The following SULF1 variants were observed in gnomAD, a reference collection of about 807,000 sequenced individuals.
The protein encoded by SULF1 is sulfatase 1.
SULF1 carries 46 observed loss-of-function variants against 110.5 expected under a neutral mutation model. The ratio of observed to expected loss-of-function variants is 0.42; its 90% CI spans 0.33 to 0.53. The LOEUF (loss-of-function observed/expected upper bound fraction) is 0.53. SULF1 is among the 20% of genes least tolerant of loss of function. SULF1 has a pLI of 0.12. For missense variants in SULF1, 941 were observed against 1,094.2 expected (o/e 0.86, Z 1.98); for synonymous variants, 371 against 387.1 (o/e 0.96, Z 0.49).
At chr8:69,525,730 A>G (rs774797915) in intron 3 of SULF1, among the ~76,000 whole-genome samples, 4 of 152,226 alleles carry the variant, frequency 2.6e-5, no homozygotes, top group Non-Finnish European at 5.9e-5. Flanking sequence ...TTACATGTGC[A>G]GGATATTGTC....
At chr8:69,490,292 G>A (rs922558531), upstream of SULF1, among the ~76,000 whole-genome samples, 37 of 151,620 alleles carry the variant, frequency 2.4e-4, no homozygotes, top group Admixed American at 6.6e-4. Flanking sequence ...TTGCAGAGAC[G>A]GGGTTTCATC....
At chr8:69,561,685 G>T (rs929693612) in intron 3 of SULF1, among the ~76,000 whole-genome samples, 1 of 152,132 alleles carries the variant, frequency 6.6e-6, no homozygotes, top group South Asian at 2.1e-4. Flanking sequence ...ATGCACAAAG[G>T]CCCTCTTCAC....
intron 6 of SULF1, among the ~76,000 whole-genome samples, chr8:69,584,809 C>T (rs1038941702): frequency 4.6e-5 from 7 of 152,278 alleles, no homozygotes; most frequent in East Asian, 1.9e-4. Context: ...ATTGAACCAT[C>T]GTAGGTCAGG....
At position 69,527,717 on chromosome 8, in the gene SULF1, G is replaced by C. The variant is rs115982765; in HGVS notation, c.-134+25749G>C. 1.2e-3 allele frequency among the ~76,000 whole-genome samples: 182 copies of C among 152,194 alleles called. 1 individual carries two copies. Among genetic ancestry groups the C allele is most frequent in the African/African-American group, 4.0e-3 (167 of 41,522 alleles). On this transcript the variant is annotated intron_variant, in intron 3 of 22. Transcript: ENST00000402687. ...AACCCTTATCCATACAGACTTAAAG[G>C]CTTAAAAATGAATGAGATTTTCATT...
intron 1 of SULF1, among the ~76,000 whole-genome samples, chr8:69,483,956 T>C (rs1045290654): frequency 2.6e-5 from 4 of 152,218 alleles, no homozygotes; most frequent in African/African-American, 9.7e-5. Context: ...CTAATTTAAT[T>C]TATGCAACAT....
intron 8 of SULF1, among the ~76,000 whole-genome samples, chr8:69,595,288 C>T (rs1400958234): frequency 6.6e-6 from 1 of 152,194 alleles, no homozygotes; most frequent in Non-Finnish European, 1.5e-5. Flanking sequence ...CTTCTCACTC[C>T]ACCAGACTTA....
intron 13 of SULF1, among the ~76,000 whole-genome samples, chr8:69,617,434 T>G (rs1182887097): frequency 2.7e-5 from 2 of 75,072 alleles, no homozygotes; most frequent in African/African-American, 9.6e-5. Flanking sequence ...TATATATATA[T>G]GTTTTTTTTT....
chr8:69,604,895 A>G lies in SULF1; in HGVS notation c.1340A>G (p.Gln447Arg). The G allele has an allele frequency of 6.2e-7, 1 of 1,614,252 alleles. No individual in the cohort carries two copies. Among genetic ancestry groups the G allele is most frequent in the Non-Finnish European group, 8.5e-7 (1 of 1,180,038 alleles). Residue 447 changes from glutamine to arginine, a missense_variant, in exon 13 of 23, where the codon CAG becomes CGG. By Grantham distance (43) the Gln-to-Arg change is conservative (BLOSUM62 1). This residue lies in a region of SULF1 where 822 missense variants were observed against 934.3 expected (regional missense o/e 0.88). Transcript: ENST00000402687. ...KYERVKELCQ[Q>R]ARYQTACEQP... The stretch of plus-strand genomic sequence containing the variant: ...GAACGGGTCAAAGAACTATGCCAGC[A>G]GGCCAGGTACCAGACAGCCTGTGAA...
chr8:69,573,747 C>T (rs1385790567), intron 5 of SULF1, among the ~76,000 whole-genome samples: 1 of 152,192 alleles, frequency 6.6e-6, no homozygotes, highest in Non-Finnish European at 1.5e-5. Context: ...AGGATATTCC[C>T]CCTGTGTGAT....
rs79169494 is a variant in SULF1, at chr8:69,512,143, A to G, written c.-134+10175A>G. Reference sequence around the variant, plus strand: ...TTAAAATTCAAAATTCAAGTCACATATCAAATGTTGCCATAGGATCTCAAA... The same window carrying G: ...TTAAAATTCAAAATTCAAGTCACATGTCAAATGTTGCCATAGGATCTCAAA... On this transcript the variant is annotated intron_variant, in intron 3 of 22. Coordinates refer to ENST00000402687, the MANE Select transcript of SULF1 (RefSeq NM_001128205.2). 5.2e-3 allele frequency among the ~76,000 whole-genome samples: 788 copies of G among 152,344 alleles called. 7 individuals carry two copies. The highest frequency in any genetic ancestry group is 0.017 in the African/African-American group (715 of 41,586).
intron 8 of SULF1, among the ~76,000 whole-genome samples, chr8:69,598,566 AT>A (rs1807533773): frequency 6.6e-6 from 1 of 151,970 alleles, no homozygotes; most frequent in Non-Finnish European, 1.5e-5. Flanking sequence ...TAATTTTTGT[AT>A]TTTTAGTAGA....
At chr8:69,508,640 T>C (rs1401384225) in intron 3 of SULF1, among the ~76,000 whole-genome samples, 1 of 152,218 alleles carries the variant, frequency 6.6e-6, no homozygotes, top group Non-Finnish European at 1.5e-5. Context: ...TCCTGGTATC[T>C]GACAATGGGA....
intron 3 of SULF1, among the ~76,000 whole-genome samples, chr8:69,504,594 T>A (rs1008782962): frequency 1.3e-5 from 2 of 152,150 alleles, no homozygotes; most frequent in African/African-American, 4.8e-5. Flanking sequence ...TAATGTTGGA[T>A]CATTTAGATT....
chr8:69,582,099 T>A (rs1261990207), intron 6 of SULF1, among the ~76,000 whole-genome samples: 1 of 151,528 alleles, frequency 6.6e-6, no homozygotes, highest in Non-Finnish European at 1.5e-5. Flanking sequence ...GTACAAAATA[T>A]CCTACAAAGT....
upstream of SULF1, among the ~76,000 whole-genome samples, chr8:69,490,651 C>T (rs1490634740): frequency 6.6e-6 from 1 of 152,158 alleles, no homozygotes; most frequent in Admixed American, 6.5e-5. Flanking sequence ...GTTTGAAAAC[C>T]ACCAGATGAG....
At chr8:69,547,172 T>C (rs1586365383) in intron 3 of SULF1, among the ~76,000 whole-genome samples, 1 of 147,132 alleles carries the variant, frequency 6.8e-6, no homozygotes, top group Non-Finnish European at 1.5e-5. Context: ...CAAGCTACTG[T>C]GGCAGGAGGA....
intron 3 of SULF1, among the ~76,000 whole-genome samples, chr8:69,551,318 A>G (rs1322842747): frequency 6.6e-6 from 1 of 152,228 alleles, no homozygotes; most frequent in Non-Finnish European, 1.5e-5. Flanking sequence ...GGCCCCTGTC[A>G]GAGTCCGTTA....
chr8:69,527,229 G>A (rs1490264433), intron 3 of SULF1, among the ~76,000 whole-genome samples: 2 of 151,974 alleles, frequency 1.3e-5, no homozygotes, highest in Admixed American at 6.6e-5. Flanking sequence ...TCATTTTAAC[G>A]GTTCGTAACC....
rs1242448114 is a variant in SULF1 at position 69,576,138 on chromosome 8, C to T, written c.341C>T (p.Ser114Phe). ...NVYTNNENCSSPSWQAMHEPR... is the reference protein window; with the variant it reads ...NVYTNNENCSFPSWQAMHEPR... ...TACACCAACAACGAGAACTGCTCTT[C>T]CCCCTCGTGGCAGGCCATGCATGAG... The change falls in exon 6 of 23, where the codon TCC (serine) becomes TTC (phenylalanine). Residue 114 changes from serine to phenylalanine, a missense_variant. Coordinates refer to ENST00000402687, the MANE Select transcript of SULF1 (RefSeq NM_001128205.2). The T allele has an allele frequency of 2.5e-6, 4 of 1,614,076 alleles. No individual in the cohort carries two copies. Among genetic ancestry groups the T allele is most frequent in the African/African-American group, 1.3e-5 (1 of 74,936 alleles).
Sources: gnomAD v4.1 joint callset for allele counts (sites outside exome capture counted in the v4.1 genomes callset) on GRCh38, gnomAD v4.1.1 for gene constraint, gnomAD v4.1.1 regional missense constraint, MANE v1.5 for transcripts, NCBI Gene and HGNC (gene_info 2026-07-23, HGNC 2026-07-21) for gene names.